Variants in SMPDL3B observed in about 807,000 individuals in gnomAD.
SMPDL3B encodes sphingomyelin phosphodiesterase acid like 3B.
In SMPDL3B, 31 loss-of-function variants were observed where a neutral mutation model predicts 37.9. That is an observed-to-expected ratio of 0.82 (90% confidence interval 0.61 to 1.10). The LOEUF is 1.10. Ranked by LOEUF, SMPDL3B falls within the 50% of genes least tolerant of loss-of-function variation. SMPDL3B has a pLI of 0.00. For synonymous variants in SMPDL3B, 235 were observed against 242.6 expected (o/e 0.97, Z 0.29); for missense variants, 525 against 597.8 (o/e 0.88, Z 1.27).
chr1:27,944,724 CTTTTTTCT>C (rs1373593259), intron 1 of SMPDL3B, among the ~76,000 whole-genome samples: 1 of 149,564 alleles, frequency 6.7e-6, no homozygotes, highest in Non-Finnish European at 1.5e-5. Context: ...CCAGGTCAGA[CTTTTTTCT>C]TTTTTTTTTT....
At chr1:27,944,326 C>T (rs116761194) in intron 1 of SMPDL3B, among the ~76,000 whole-genome samples, 1,722 of 152,188 alleles carry the variant, frequency 0.011, 43 homozygotes, top group African/African-American at 0.039. Context: ...TACTCACTTC[C>T]ACATGTAGTC....
intron 3 of SMPDL3B, among the ~76,000 whole-genome samples, chr1:27,952,436 T>C (rs1303177248): frequency 6.6e-6 from 1 of 152,138 alleles, no homozygotes; most frequent in Admixed American, 6.5e-5. Flanking sequence ...CTGTTCTGAG[T>C]CCAAGAGTTA....
intron 3 of SMPDL3B, among the ~76,000 whole-genome samples, chr1:27,950,921 C>T (rs1045570649): frequency 3.9e-5 from 6 of 152,118 alleles, no homozygotes; most frequent in Admixed American, 3.9e-4. Flanking sequence ...TGAGCCACTG[C>T]GCCTGGCCTG....
chr1:27,945,161 TC>T lies in SMPDL3B; in HGVS notation c.62-67del, dbSNP rs923114234. The T allele has an allele frequency of 6.8e-7, 1 of 1,467,712 alleles. No homozygotes were observed. The highest frequency in any genetic ancestry group is 9.5e-7 in the Non-Finnish European group (1 of 1,051,512). 90.9% of individuals were successfully genotyped at this position (1,467,712 alleles called of 1,614,324 possible). ...TAACGCCCCTGCCCCAGCCCAGGGC[TC>T]CCCTGGACTTCCTTGCTTCCAGGCT... On this transcript the variant is annotated intron_variant, in intron 1 of 7. Coordinates refer to ENST00000373894, the MANE Select transcript of SMPDL3B (RefSeq NM_014474.4). The surrounding 1 kb of genome is among the most constrained non-coding windows in gnomAD (Gnocchi z 4.0).
Position 27,945,178 on chromosome 1 carries a change from C to T in SMPDL3B, c.62-54C>T, listed in dbSNP as rs529895475. On this transcript the variant is annotated intron_variant, in intron 1 of 7. Transcript: ENST00000373894. The surrounding 1 kb of genome is among the most constrained non-coding windows in gnomAD (Gnocchi z 4.0). ...CCCAGGGCTCCCCTGGACTTCCTTG[C>T]TTCCAGGCTGAGAGAGAGACCAGCT... 2.2e-5 allele frequency: 34 copies of T among 1,577,634 alleles called. No individual in the cohort carries two copies. The African/African-American group carries it at 3.1e-4, about 14-fold the overall frequency.
At chr1:27,956,286 T>C (rs1262308140) in intron 7 of SMPDL3B, 3 of 1,514,078 alleles carry the variant, frequency 2.0e-6, no homozygotes, top group Admixed American at 2.1e-5. Context: ...AGTCACCTTT[T>C]CCCCTGGATG....
chr1:27,949,994 C>T (rs1389386793), intron 3 of SMPDL3B, among the ~76,000 whole-genome samples: 2 of 152,188 alleles, frequency 1.3e-5, no homozygotes, highest in Admixed American at 1.3e-4. Flanking sequence ...GCCTTAGCTC[C>T]TTCACTGTCA....
chr1:27,957,703 G>A (rs1174980011), intron 7 of SMPDL3B, among the ~76,000 whole-genome samples: 5 of 152,158 alleles, frequency 3.3e-5, no homozygotes, highest in Non-Finnish European at 7.4e-5. Flanking sequence ...GTCTGAGCAA[G>A]GGGAATGGCA....
intron 1 of SMPDL3B, chr1:27,938,769 A>G (rs938947077): frequency 6.6e-6 from 1 of 152,228 alleles, no homozygotes; most frequent in Non-Finnish European, 1.5e-5. Flanking sequence ...GACATTCAAC[A>G]CTTAATTATA....
At chr1:27,954,670 C>G in intron 5 of SMPDL3B, 144 bp downstream of exon 5, 1 of 709,176 alleles carries the variant, frequency 1.4e-6, no homozygotes, top group Non-Finnish European at 2.4e-6. Context: ...AGGGCTTCCT[C>G]CATCCTCACC....
intron 4 of SMPDL3B, among the ~76,000 whole-genome samples, chr1:27,953,967 A>T (rs528765304): frequency 9.2e-5 from 14 of 152,316 alleles, no homozygotes; most frequent in Middle Eastern, 6.8e-3. Flanking sequence ...GTTAAAGCCG[A>T]CCAGAAGCCT....
Position 27,958,800 on chromosome 1 carries a change from C to T in SMPDL3B, c.1330C>T (p.Leu444=). ...GCCCGTGCCCCAGCTCCCGCTGCTG[C>T]TGATGGCCCTGCTGGGCCTGTGCAC... ...TTPVPQLPLL[L]MALLGLCTLV... is the part of the protein sequence containing the mutation. The change falls in exon 8 of 8, where the codon CTG becomes TTG. Residue 444 remains leucine (L), a synonymous_variant. Coordinates refer to ENST00000373894, the MANE Select transcript of SMPDL3B (RefSeq NM_014474.4). This position sits in a 1 kb window ranked among gnomAD's most constrained non-coding sequence, Gnocchi z 5.6. The T allele has an allele frequency of 6.2e-7, 1 of 1,606,270 alleles. No individual in the cohort carries two copies. Among genetic ancestry groups the T allele is most frequent in the Non-Finnish European group, 8.5e-7 (1 of 1,175,078 alleles).
intron 2 of SMPDL3B, among the ~76,000 whole-genome samples, chr1:27,946,571 C>G (rs749283620): frequency 6.6e-6 from 1 of 152,054 alleles, no homozygotes; most frequent in Non-Finnish European, 1.5e-5. Flanking sequence ...GAGAGAGTCA[C>G]CTGGGGGGAT....
intron 1 of SMPDL3B, among the ~76,000 whole-genome samples, chr1:27,943,979 A>G (rs1001742951): frequency 7.0e-6 from 1 of 143,292 alleles, no homozygotes; most frequent in African/African-American, 2.6e-5. Context: ...GCACCATTGC[A>G]CTCCAGCTTG....
chr1:27,952,247 G>C (rs1240341479), intron 3 of SMPDL3B, among the ~76,000 whole-genome samples: 2 of 152,028 alleles, frequency 1.3e-5, no homozygotes, highest in African/African-American at 2.4e-5. Flanking sequence ...GGCAGTTACA[G>C]TGATGCGTTT....
intron 1 of SMPDL3B, among the ~76,000 whole-genome samples, chr1:27,937,421 G>T (rs1297770378): frequency 6.6e-6 from 1 of 152,192 alleles, no homozygotes; most frequent in Non-Finnish European, 1.5e-5. Context: ...GTGAACAGAG[G>T]GTATTCACTG....
intron 2 of SMPDL3B, 146 bp from the exon 3 acceptor site, chr1:27,948,919 C>T: frequency 6.8e-7 from 1 of 1,475,250 alleles, no homozygotes; most frequent in Non-Finnish European, 9.2e-7. Flanking sequence ...TCCCATCTGA[C>T]TCCACTCTAG....
intron 1 of SMPDL3B, among the ~76,000 whole-genome samples, chr1:27,942,119 G>A (rs1004219328): frequency 1.6e-4 from 24 of 152,278 alleles, no homozygotes; most frequent in African/African-American, 4.8e-4. Context: ...GCTGGAAAAC[G>A]ACAACTGACA....
At chr1:27,938,698 C>T (rs367630011) in intron 1 of SMPDL3B, among the ~76,000 whole-genome samples, 95 of 152,330 alleles carry the variant, frequency 6.2e-4, no homozygotes, top group Non-Finnish European at 8.1e-4. Flanking sequence ...AACCACACTT[C>T]GAGAAGCCAT....
Sources: allele counts gnomAD v4.1 joint callset (sites outside exome capture counted in the v4.1 genomes callset), GRCh38; gene constraint gnomAD v4.1.1; non-coding constraint Gnocchi (gnomAD v3.1); transcripts MANE v1.5; gene names NCBI Gene and HGNC (gene_info 2026-07-23, HGNC 2026-07-21).